CFTR: variants seen among roughly 807,000 people sequenced by gnomAD.
CFTR encodes the protein cystic fibrosis transmembrane conductance regulator.
CFTR carries 181 observed loss-of-function variants against 171.6 expected under a neutral mutation model. That is an observed-to-expected ratio of 1.05 (90% CI 0.93 to 1.19). The LOEUF (loss-of-function observed/expected upper bound fraction) is 1.19. CFTR is among the 50% of genes most tolerant of loss of function. CFTR has a pLI of 0.00. For synonymous variants in CFTR, 583 were observed against 608.0 expected, an observed-to-expected ratio of 0.96 and a Z score of 0.60; for missense variants, 1,968 against 1,734.7, an observed-to-expected ratio of 1.13 and a Z score of -2.39.
chr7:117,562,009 T>G (rs1441449056), intron 11 of CFTR, among the ~76,000 whole-genome samples: 2 of 152,118 alleles, frequency 1.3e-5, no homozygotes, highest in Non-Finnish European at 2.9e-5. Flanking sequence ...TGTGAAGAAG[T>G]GGGAGATTAA....
intron 3 of CFTR, among the ~76,000 whole-genome samples, chr7:117,520,730 T>C (rs1182180970): frequency 2.0e-5 from 3 of 151,948 alleles, no homozygotes; most frequent in Non-Finnish European, 2.9e-5. Flanking sequence ...TCAAATGTTT[T>C]TGATGAGTTT....
intron 21 of CFTR, among the ~76,000 whole-genome samples, chr7:117,620,548 C>T (rs1483042669): frequency 6.6e-6 from 1 of 152,044 alleles, no homozygotes; most frequent in Non-Finnish European, 1.5e-5. Flanking sequence ...GAACTCTGAA[C>T]CAGTGTGTTA....
intron 15 of CFTR, among the ~76,000 whole-genome samples, chr7:117,602,561 T>C (rs920290670): frequency 2.0e-4 from 31 of 152,200 alleles, no homozygotes; most frequent in Admixed American, 2.6e-4. Flanking sequence ...ATAGTTTCTA[T>C]TGAGTAAAGG....
At chr7:117,498,075 ATTAATTTCCAT>A (rs1190581630) in intron 1 of CFTR, among the ~76,000 whole-genome samples, 1 of 152,128 alleles carries the variant, frequency 6.6e-6, no homozygotes, top group Non-Finnish European at 1.5e-5. Flanking sequence ...AAGTTAGCAA[ATTAATTTCCAT>A]TAGGGTGCCT....
chr7:117,648,099 G>A (rs961114733), intron 23 of CFTR, among the ~76,000 whole-genome samples: 2 of 147,306 alleles, frequency 1.4e-5, no homozygotes, highest in Non-Finnish European at 1.5e-5. Context: ...ATATATATAT[G>A]TGTATATGTA....
Position 117,535,384 on chromosome 7 carries a change from G to A in CFTR, c.716G>A (p.Gly239Glu). 1 of 1,614,040 alleles carries A rather than the reference G, an allele frequency of 6.2e-7. No homozygotes were observed. The highest frequency in any genetic ancestry group is 1.7e-5 in the Admixed American group (1 of 60,000). ...FLIVLALFQA[G>E]LGRMMMKYRD... ...ATAGTCCTTGCCCTTTTTCAGGCTG[G>A]GCTAGGGAGAATGATGATGAAGTAC... Residue 239 changes from glycine to glutamate, a missense_variant, in exon 6 of 27, where the codon GGG becomes GAG. Physicochemically the swap from Gly to Glu is moderately conservative, Grantham distance 98. Coordinates refer to ENST00000003084, the MANE Select transcript of CFTR (RefSeq NM_000492.4).
chr7:117,494,939 G>T (rs1798214933), intron 1 of CFTR, among the ~76,000 whole-genome samples: 1 of 152,104 alleles, frequency 6.6e-6, no homozygotes, highest in South Asian at 2.1e-4. Context: ...TTGTCTAACA[G>T]TAACCGTGAT....
chr7:117,598,917 C>A (rs955281358), intron 15 of CFTR, among the ~76,000 whole-genome samples: 14 of 152,216 alleles, frequency 9.2e-5, no homozygotes, highest in African/African-American at 3.4e-4. Context: ...GTAGGGCTTG[C>A]TACATAATGA....
At chr7:117,617,845 A>G (rs1792517780) in intron 21 of CFTR, among the ~76,000 whole-genome samples, 1 of 151,980 alleles carries the variant, frequency 6.6e-6, no homozygotes, top group South Asian at 2.1e-4. Context: ...ACCACTTTCC[A>G]TCTTTTCCTC....
At chr7:117,664,508 T>G (rs554956601) in intron 24 of CFTR, among the ~76,000 whole-genome samples, 180 bp from the exon 25 acceptor site, 111 of 152,346 alleles carry the variant, frequency 7.3e-4, no homozygotes, top group South Asian at 1.4e-3. Context: ...CTGATTCTTT[T>G]GAGCTGTCAA....
intron 3 of CFTR, among the ~76,000 whole-genome samples, chr7:117,525,361 G>T (rs1798758083): frequency 7.2e-6 from 1 of 139,832 alleles, no homozygotes; most frequent in South Asian, 2.6e-4. Flanking sequence ...ATATTCTGTT[G>T]ATTTGGGGTG....
intron 3 of CFTR, among the ~76,000 whole-genome samples, chr7:117,530,093 AT>A (rs1273748833): frequency 1.3e-5 from 2 of 152,112 alleles, no homozygotes; most frequent in Non-Finnish European, 2.9e-5. Flanking sequence ...TTAGTAGTCG[AT>A]TGAGGACCCT....
At chr7:117,638,704 C>A (rs1431093975) in intron 22 of CFTR, among the ~76,000 whole-genome samples, 6 of 150,540 alleles carry the variant, frequency 4.0e-5, no homozygotes, top group African/African-American at 1.2e-4. Context: ...CCACTGCACT[C>A]CAGCCTGGGT....
At chr7:117,550,235 G>T (rs557200900) in intron 10 of CFTR, among the ~76,000 whole-genome samples, 1 of 152,014 alleles carries the variant, frequency 6.6e-6, no homozygotes, top group East Asian at 1.9e-4. Flanking sequence ...CCAGCTACTT[G>T]GGAGGCTGAG....
intron 22 of CFTR, among the ~76,000 whole-genome samples, chr7:117,642,195 T>C (rs1792924821): frequency 6.6e-6 from 1 of 152,206 alleles, no homozygotes; most frequent in Non-Finnish European, 1.5e-5. Context: ...AAAGGAAGTC[T>C]GCATCAGGGG....
chr7:117,484,783 G>C (rs2116610608), intron 1 of CFTR, among the ~76,000 whole-genome samples: 1 of 151,564 alleles, frequency 6.6e-6, no homozygotes, highest in South Asian at 2.1e-4. Context: ...ATTTTAAAAA[G>C]TTCTCCTTTG....
chr7:117,560,519 T>A (rs1427844685), intron 11 of CFTR, among the ~76,000 whole-genome samples: 2 of 152,090 alleles, frequency 1.3e-5, no homozygotes, highest in Non-Finnish European at 2.9e-5. Context: ...AAAATGTAGC[T>A]TAAAATACAG....
chr7:117,642,365 T>C lies in CFTR; in HGVS notation c.3718-73T>C, dbSNP rs138099722. On this transcript the variant is annotated intron_variant, in intron 22 of 26. Coordinates refer to ENST00000003084, the MANE Select transcript of CFTR (RefSeq NM_000492.4). ...AATATTCCAATGGTTTTTATTGAAGTACAATACTGAATTATGTTTATGGCA... is the reference window on the plus strand; with the variant it reads ...AATATTCCAATGGTTTTTATTGAAGCACAATACTGAATTATGTTTATGGCA... 201 of 1,366,392 alleles carry C rather than the reference T, an allele frequency of 1.5e-4. No individual in the cohort carries two copies. In the African/African-American group the frequency reaches 2.0e-3, roughly 14 times the overall value. The allele number at this position is 1,366,392 out of a possible 1,614,324, so 84.6% of individuals were successfully genotyped here.
intron 1 of CFTR, among the ~76,000 whole-genome samples, chr7:117,481,508 G>A (rs1282821787): frequency 6.6e-6 from 1 of 152,062 alleles, no homozygotes; most frequent in Non-Finnish European, 1.5e-5. Context: ...CTGTCAAAGT[G>A]GGTTTTTATA....
Sources: allele counts gnomAD v4.1 joint callset (sites outside exome capture counted in the v4.1 genomes callset), GRCh38; gene constraint gnomAD v4.1.1; transcripts MANE v1.5; gene names NCBI Gene and HGNC (gene_info 2026-07-23, HGNC 2026-07-21).